Variants in UBXN2B observed in about 807,000 individuals in gnomAD.
UBXN2B encodes the protein UBX domain protein 2B, also known as UBX domain-containing protein 2B.
In UBXN2B, 19 loss-of-function variants were observed where a neutral mutation model predicts 37.5. The ratio of observed to expected loss-of-function variants is 0.51; its 90% CI spans 0.35 to 0.74. UBXN2B has a LOEUF of 0.74. Among genes scored for constraint, UBXN2B ranks in the 30% least tolerant of loss-of-function variants. The probability of loss-of-function intolerance (pLI) is 0.01; values close to 1 mark genes in which losing one functional copy is unlikely to be tolerated. For missense variants in UBXN2B, 370 were observed against 393.2 expected (o/e 0.94, Z 0.50); for synonymous variants, 145 against 143.8 (o/e 1.01, Z -0.06).
chr8:58,442,751 TAGGG>T (rs1391863583), intron 6 of UBXN2B, among the ~76,000 whole-genome samples: 3 of 152,210 alleles, frequency 2.0e-5, no homozygotes, highest in African/African-American at 4.8e-5. Context: ...TCATTTTTAA[TAGGG>T]AGGACTAGCG....
chr8:58,422,344 A>G (rs182843089), intron 2 of UBXN2B, among the ~76,000 whole-genome samples: 90 of 152,358 alleles, frequency 5.9e-4, no homozygotes, highest in African/African-American at 2.1e-3. Flanking sequence ...AGGAACTACT[A>G]CCAGGGCTGG....
intron 1 of UBXN2B, among the ~76,000 whole-genome samples, chr8:58,416,145 T>A (rs1309693718): frequency 6.6e-6 from 1 of 151,842 alleles, no homozygotes; most frequent in East Asian, 1.9e-4. Context: ...GTTGTTGAGT[T>A]GTTGTCCAAA....
At chr8:58,433,778 A>T (rs902281760) in intron 4 of UBXN2B, among the ~76,000 whole-genome samples, 2 of 151,680 alleles carry the variant, frequency 1.3e-5, no homozygotes, top group South Asian at 2.1e-4. Flanking sequence ...TCTTTAAGAT[A>T]AAAAAATCAA....
In UBXN2B at chr8:58,433,213, A is replaced by C. The variant is rs780449299; in HGVS notation, c.393A>C (p.Glu131Asp). Residue 131 changes from glutamate to aspartate, a missense_variant, in exon 4 of 8, where the codon GAA becomes GAC. Transcript: ENST00000399598. ...GTAGTTCTTTTTGTAAGCGGTCTGA[A>C]TATATCTATGGAGAAAATCAGCTGC... ...RLGSSFCKRS[E>D]YIYGENQLQD... 3 of 1,612,664 alleles carry C rather than the reference A, an allele frequency of 1.9e-6. No homozygotes were observed. Among genetic ancestry groups the C allele is most frequent in the Non-Finnish European group, 2.5e-6 (3 of 1,179,252 alleles).
intron 1 of UBXN2B, 42 bp downstream of exon 1, chr8:58,411,511 G>T: frequency 8.0e-7 from 1 of 1,242,378 alleles, no homozygotes; most frequent in South Asian, 3.6e-5. Context: ...CGGTGGACGC[G>T]GGCTGGTGAC....
chr8:58,431,502 C>A (rs913132466), intron 3 of UBXN2B, among the ~76,000 whole-genome samples: 14 of 152,170 alleles, frequency 9.2e-5, no homozygotes, highest in Admixed American at 8.5e-4. Context: ...CAGCTTTTGA[C>A]TATTACAAAT....
Position 58,447,480 on chromosome 8 carries a change from C to A in UBXN2B, c.925C>A (p.Leu309Ile). 6.2e-7 allele frequency: 1 copy of A among 1,613,448 alleles called. No individual in the cohort carries two copies. The highest frequency in any genetic ancestry group is 2.2e-5 in the East Asian group (1 of 44,836). ...ILVTSFPNKE[L>I]TDESLTLLEA... is the part of the protein sequence containing the mutation. ...TGTGACTTCATTTCCGAATAAAGAG[C>A]TAACAGATGAAAGCCTGACACTGCT... The change falls in exon 8 of 8, where the codon CTA becomes ATA. Residue 309 changes from leucine (L) to isoleucine (I), a missense_variant. By Grantham distance (5) the Leu-to-Ile change is conservative. Around this residue, in one of 3 missense-constraint regions of UBXN2B, gnomAD observed 83 missense variants for 83.5 expected, o/e 0.99. Transcript: ENST00000399598.
At chr8:58,417,150 C>T (rs1424369843) in intron 2 of UBXN2B, among the ~76,000 whole-genome samples, 197 bp downstream of exon 2, 1 of 151,990 alleles carries the variant, frequency 6.6e-6, no homozygotes, top group African/African-American at 2.4e-5. Flanking sequence ...CTTTTACAAT[C>T]AGAAAGCCAA....
In UBXN2B at chr8:58,432,375, CTTTTTTTTTTTT is replaced by C. The variant is rs34018318; in HGVS notation, c.340-771_340-760del. ...ATTGCTTTTGTACCTTTCTAAATTT[CTTTTTTTTTTTT>C]TTTTTTTTTTTTTGAGACAGGGTCT... On this transcript the variant is annotated intron_variant, in intron 3 of 7. Transcript: ENST00000399598. Among the ~76,000 whole-genome samples, 19 of 81,506 alleles carry C rather than the reference CTTTTTTTTTTTT, an allele frequency of 2.3e-4. 1 individual carries two copies. The South Asian group carries it at 7.4e-3, about 32-fold the overall frequency. 53.5% of individuals were successfully genotyped at this position (81,506 alleles called of 152,430 possible). A position where few individuals can be genotyped will look rare whatever the true frequency, so the allele number is the denominator to read the frequency against.
At chr8:58,415,720 G>C (rs1038679103) in intron 1 of UBXN2B, among the ~76,000 whole-genome samples, 1 of 151,986 alleles carries the variant, frequency 6.6e-6, no homozygotes, top group African/African-American at 2.4e-5. Context: ...ATTTGCCCAA[G>C]ATCACACAGG....
chr8:58,431,508 C>T (rs1438864782), intron 3 of UBXN2B, among the ~76,000 whole-genome samples: 1 of 152,178 alleles, frequency 6.6e-6, no homozygotes, highest in African/African-American at 2.4e-5. Context: ...TTGACTATTA[C>T]AAATAAAGCT....
In UBXN2B at chr8:58,441,353, A is replaced by ATATATATATATATATGTATGTG. The variant is rs1554553166; in HGVS notation, c.671+1593_671+1614dup. Among the ~76,000 whole-genome samples the ATATATATATATATATGTATGTG allele has an allele frequency of 1.7e-3, 234 of 134,378 alleles. 4 individuals are homozygous for ATATATATATATATATGTATGTG. The highest frequency in any genetic ancestry group is 2.8e-3 in the Non-Finnish European group (183 of 66,074). 88.2% of individuals were successfully genotyped at this position (134,378 alleles called of 152,430 possible). On this transcript the variant is annotated intron_variant, in intron 6 of 7. Coordinates refer to ENST00000399598, the MANE Select transcript of UBXN2B (RefSeq NM_001077619.2). ...ACTCCTCTTGTTGTGATCAACATAT[A>ATATATATATATATATGTATGTG]TATATATATATATATGTATGTGTAT...
chr8:58,411,476 C>T lies in UBXN2B; in HGVS notation c.84+7C>T, dbSNP rs1462368426. ...GAGCGCGCGGGATTTGCAGGTGAGG[C>T]GAGGAGCCGGGGGAGGGAGCGCGGC... On this transcript the variant is annotated splice_region_variant and intron_variant, in intron 1 of 7. Transcript: ENST00000399598. 4 of 1,250,450 alleles carry T rather than the reference C, an allele frequency of 3.2e-6. No individual in the cohort carries two copies. In the African/African-American group the frequency reaches 4.6e-5, roughly 15 times the overall value. 77.5% of individuals were successfully genotyped at this position (1,250,450 alleles called of 1,614,324 possible).
At chr8:58,420,377 A>G (rs1034262578) in intron 2 of UBXN2B, among the ~76,000 whole-genome samples, 1 of 152,210 alleles carries the variant, frequency 6.6e-6, no homozygotes, top group Non-Finnish European at 1.5e-5. Context: ...AATAGACTAC[A>G]TAATGTAAGT....
chr8:58,412,354 A>G (rs1406477057), intron 1 of UBXN2B, among the ~76,000 whole-genome samples: 1 of 152,238 alleles, frequency 6.6e-6, no homozygotes, highest in Admixed American at 6.5e-5. Context: ...GCTGAACTCT[A>G]TTGATGGGTA....
Position 58,447,631 on chromosome 8 carries a change from C to A in UBXN2B, c.*80C>A. On this transcript the variant is annotated 3_prime_UTR_variant, in exon 8 of 8. Coordinates refer to ENST00000399598, the MANE Select transcript of UBXN2B (RefSeq NM_001077619.2). ...AAGGACAATACTTCAGCATTAAAAA[C>A]AGCCAAATTATTTTTATTATTTTTA... is the stretch of plus-strand genomic sequence containing the variant. The A allele has an allele frequency of 7.8e-7, 1 of 1,288,508 alleles. No individual in the cohort carries two copies. Among genetic ancestry groups the A allele is most frequent in the South Asian group, 2.2e-5 (1 of 44,688 alleles). The allele number at this position is 1,288,508 out of a possible 1,614,324, so 79.8% of individuals were successfully genotyped here.
At chr8:58,428,279 C>T (rs1273410198) in intron 2 of UBXN2B, among the ~76,000 whole-genome samples, 1 of 152,216 alleles carries the variant, frequency 6.6e-6, no homozygotes, top group Non-Finnish European at 1.5e-5. Context: ...CTCAACTCTT[C>T]TGAAGTTGGG....
intron 3 of UBXN2B, among the ~76,000 whole-genome samples, 179 bp from the exon 4 acceptor site, chr8:58,432,981 C>T (rs1007706225): frequency 1.3e-5 from 2 of 152,126 alleles, no homozygotes; most frequent in African/African-American, 2.4e-5. Context: ...TTTCATTATT[C>T]GTCAATGGTT....
intron 5 of UBXN2B, among the ~76,000 whole-genome samples, chr8:58,435,667 A>G (rs1808394920): frequency 6.6e-6 from 1 of 152,246 alleles, no homozygotes; most frequent in Non-Finnish European, 1.5e-5. Context: ...ATGTTCTGTT[A>G]TATAGATAAA....
Sources: gnomAD v4.1 joint callset for allele counts (sites outside exome capture counted in the v4.1 genomes callset) on GRCh38, gnomAD v4.1.1 for gene constraint, gnomAD v4.1.1 regional missense constraint, MANE v1.5 for transcripts, NCBI Gene and HGNC (gene_info 2026-07-23, HGNC 2026-07-21) for gene names.